NEIL3: variants seen among roughly 807,000 people sequenced by gnomAD.
NEIL3 encodes nei like DNA glycosylase 3.
In NEIL3, 48 loss-of-function variants were observed where a neutral mutation model predicts 57.5. That is an observed-to-expected ratio of 0.83 (90% CI 0.66 to 1.06). The LOEUF is 1.06. Ranked by LOEUF, NEIL3 falls within the 50% of genes least tolerant of loss-of-function variation. The pLI is 0.00. For missense variants in NEIL3, 717 were observed against 739.1 expected, an observed-to-expected ratio of 0.97 and a Z score of 0.35; for synonymous variants, 261 against 253.2, an observed-to-expected ratio of 1.03 and a Z score of -0.29.
the NEIL3 span, among the ~76,000 whole-genome samples, chr4:177,368,882 G>A: frequency 6.6e-6 from 1 of 152,098 alleles, no homozygotes; most frequent in Admixed American, 6.6e-5. Flanking sequence ...CAGTAAAAGG[G>A]AAAGAAGACA....
intron 2 of NEIL3, among the ~76,000 whole-genome samples, 168 bp from the exon 3 acceptor site, chr4:177,335,520 T>C (rs1734956251): frequency 6.6e-6 from 1 of 152,114 alleles, no homozygotes; most frequent in African/African-American, 2.4e-5. Context: ...TACAAAGTCA[T>C]GAGAGAAAAA....
chr4:177,359,518 C>T (rs1166156011), intron 8 of NEIL3, among the ~76,000 whole-genome samples: 1 of 151,628 alleles, frequency 6.6e-6, no homozygotes, highest in Non-Finnish European at 1.5e-5. Flanking sequence ...AGGGAAATCA[C>T]CTTTGATTTT....
chr4:177,354,679 G>A (rs1260976585), intron 8 of NEIL3, among the ~76,000 whole-genome samples: 2 of 151,728 alleles, frequency 1.3e-5, no homozygotes, highest in African/African-American at 4.8e-5. Flanking sequence ...ATGGGGTTTC[G>A]CCATGTTGGC....
At chr4:177,321,192 T>C (rs1463944784) in intron 1 of NEIL3, among the ~76,000 whole-genome samples, 3 of 152,150 alleles carry the variant, frequency 2.0e-5, no homozygotes, top group Non-Finnish European at 4.4e-5. Flanking sequence ...TCTAAAGCTG[T>C]TTTATAATTA....
chr4:177,366,538 A>G (rs1735695763), downstream of NEIL3, among the ~76,000 whole-genome samples: 1 of 152,110 alleles, frequency 6.6e-6, no homozygotes. Context: ...AGCTGGGATT[A>G]CAAGCACCTG....
chr4:177,346,122 C>T (rs1212794682), intron 6 of NEIL3, among the ~76,000 whole-genome samples: 2 of 152,138 alleles, frequency 1.3e-5, no homozygotes, highest in Non-Finnish European at 2.9e-5. Flanking sequence ...CACCTATTTC[C>T]CAGAGGTCTT....
intron 7 of NEIL3, among the ~76,000 whole-genome samples, chr4:177,352,912 CTAG>C (rs1735389605): frequency 6.6e-6 from 1 of 151,962 alleles, no homozygotes; most frequent in South Asian, 2.1e-4. Flanking sequence ...CTTGTCATTC[CTAG>C]TAGTCTAGAA....
At chr4:177,342,240 A>G (rs1735110168) in intron 6 of NEIL3, among the ~76,000 whole-genome samples, 2 of 152,218 alleles carry the variant, frequency 1.3e-5, no homozygotes, top group African/African-American at 4.8e-5. Flanking sequence ...TCCTGGAATT[A>G]GTGTCAGTTC....
intron 3 of NEIL3, 128 bp from the exon 4 acceptor site, chr4:177,335,980 G>C (rs1734971519): frequency 1.9e-6 from 2 of 1,032,156 alleles, no homozygotes; most frequent in South Asian, 3.4e-5. Context: ...TAAGGTCTTT[G>C]TTGTTTGCAT....
At chr4:177,354,750 G>A (rs1735438537) in intron 8 of NEIL3, among the ~76,000 whole-genome samples, 1 of 152,158 alleles carries the variant, frequency 6.6e-6, no homozygotes, top group South Asian at 2.1e-4. Context: ...CCAAAGTGCT[G>A]GGATTACAGG....
At position 177,328,071 on chromosome 4, in the gene NEIL3, C is replaced by T. The variant is rs112749253; in HGVS notation, c.278+5491C>T. Among the ~76,000 whole-genome samples the T allele has an allele frequency of 8.7e-3, 1,331 of 152,250 alleles. 17 individuals are homozygous for T. The highest frequency in any genetic ancestry group is 0.03 in the African/African-American group (1,263 of 41,542). On this transcript the variant is annotated intron_variant, in intron 2 of 9. Coordinates refer to ENST00000264596, the MANE Select transcript of NEIL3 (RefSeq NM_018248.3). ...GTAATGATGGCCTCCAACTGAGTTT[C>T]ATCTGATATTCCAGAAACATTTGTG...
At chr4:177,327,214 C>T (rs4125352) in intron 2 of NEIL3, among the ~76,000 whole-genome samples, 31,468 of 152,056 alleles carry the variant, frequency 0.21, 3,524 homozygotes, top group Non-Finnish European at 0.26. Context: ...TGTGGAACTG[C>T]GAGTCAATTA....
chr4:177,331,307 G>T (rs1734880801), intron 2 of NEIL3, among the ~76,000 whole-genome samples: 1 of 150,914 alleles, frequency 6.6e-6, no homozygotes, highest in Non-Finnish European at 1.5e-5. Flanking sequence ...TCTTTCCTCT[G>T]CTCTGTGCGG....
chr4:177,350,629 T>C (rs1390453849), intron 6 of NEIL3, among the ~76,000 whole-genome samples: 2 of 152,116 alleles, frequency 1.3e-5, no homozygotes, highest in Admixed American at 1.3e-4. Context: ...GTTTCCTGAG[T>C]TTTCTGTGCA....
chr4:177,358,288 C>G (rs1735523492), intron 8 of NEIL3, among the ~76,000 whole-genome samples: 1 of 151,902 alleles, frequency 6.6e-6, no homozygotes, highest in South Asian at 2.1e-4. Flanking sequence ...TCACACGTGG[C>G]TATGTTTTTG....
chr4:177,319,546 C>T (rs1734634425), intron 1 of NEIL3, among the ~76,000 whole-genome samples: 1 of 151,990 alleles, frequency 6.6e-6, no homozygotes, highest in African/African-American at 2.4e-5. Context: ...GATTTTGGTG[C>T]CCCCATCACC....
At chr4:177,314,151 C>T (rs746546590) in intron 1 of NEIL3, among the ~76,000 whole-genome samples, 6 of 152,100 alleles carry the variant, frequency 3.9e-5, no homozygotes, top group Non-Finnish European at 7.4e-5. Context: ...TACTTCCTTA[C>T]CTTCTTAAAT....
At chr4:177,342,783 A>G (rs970566479) in intron 6 of NEIL3, among the ~76,000 whole-genome samples, 1 of 152,376 alleles carries the variant, frequency 6.6e-6, no homozygotes, top group Non-Finnish European at 1.5e-5. Context: ...ATTAATAAAC[A>G]TGGCATGGTG....
At chr4:177,329,233 C>T (rs1053915303) in intron 2 of NEIL3, among the ~76,000 whole-genome samples, 9 of 152,034 alleles carry the variant, frequency 5.9e-5, no homozygotes, top group African/African-American at 1.7e-4. Flanking sequence ...AATAGTAATA[C>T]AGTATATTTA....
Sources: gnomAD v4.1 joint callset for allele counts (sites outside exome capture counted in the v4.1 genomes callset) on GRCh38, gnomAD v4.1.1 for gene constraint, MANE v1.5 for transcripts, NCBI Gene and HGNC (gene_info 2026-07-23, HGNC 2026-07-21) for gene names.